The following LSG1 variants were observed in gnomAD, a reference collection of about 807,000 sequenced individuals.
The protein encoded by LSG1 is large subunit GTPase 1 homolog.
In LSG1, 55 loss-of-function variants were observed where a neutral mutation model predicts 82.6. The observed-to-expected ratio is 0.67, with a 90% CI of 0.54 to 0.83. LSG1 has a LOEUF of 0.83. Among genes scored for constraint, LSG1 ranks in the 40% least tolerant of loss-of-function variants. The probability of loss-of-function intolerance (pLI) is 0.00; values close to 1 mark genes in which losing one functional copy is unlikely to be tolerated. For synonymous variants in LSG1, 272 were observed against 282.5 expected (o/e 0.96, Z 0.37); for missense variants, 809 against 807.9 (o/e 1.00, Z -0.02).
chr3:194,649,671 CAG>C (rs1170344782), intron 10 of LSG1, among the ~76,000 whole-genome samples: 1 of 151,662 alleles, frequency 6.6e-6, no homozygotes, highest in African/African-American at 2.4e-5. Context: ...GCCTGGGTGA[CAG>C]AGCGAGACTC....
At chr3:194,657,803 T>A (rs183494859) in intron 7 of LSG1, among the ~76,000 whole-genome samples, 19 of 152,234 alleles carry the variant, frequency 1.2e-4, no homozygotes, top group Admixed American at 1.2e-3. Flanking sequence ...AAGGGTAGGG[T>A]GGCTGACTTC....
At chr3:194,656,291 C>T (rs1401224241) in intron 7 of LSG1, among the ~76,000 whole-genome samples, 1 of 120,490 alleles carries the variant, frequency 8.3e-6, no homozygotes, top group Non-Finnish European at 1.9e-5. Context: ...CAAAGAACTC[C>T]AACAAATTTA....
intron 11 of LSG1, among the ~76,000 whole-genome samples, chr3:194,647,336 T>C (rs1203251045): frequency 6.6e-6 from 1 of 152,124 alleles, no homozygotes; most frequent in Non-Finnish European, 1.5e-5. Context: ...GTAGCACATA[T>C]AACAAAGAAC....
At chr3:194,642,587 T>TTA (rs1718423082) in intron 13 of LSG1, among the ~76,000 whole-genome samples, 1 of 151,274 alleles carries the variant, frequency 6.6e-6, no homozygotes, top group Non-Finnish European at 1.5e-5. Flanking sequence ...AATTTTAAGT[T>TTA]TACTTAGTAA....
At chr3:194,661,803 G>A (rs1481233632) in intron 5 of LSG1, among the ~76,000 whole-genome samples, 2 of 152,136 alleles carry the variant, frequency 1.3e-5, no homozygotes, top group Non-Finnish European at 2.9e-5. Flanking sequence ...TAGAAAACAT[G>A]TTCTCTTATT....
At chr3:194,661,550 C>T (rs991833965) in intron 5 of LSG1, among the ~76,000 whole-genome samples, 9 of 152,184 alleles carry the variant, frequency 5.9e-5, no homozygotes, top group Non-Finnish European at 1.0e-4. Flanking sequence ...GACAGTGTTC[C>T]GCCCTCAGTG....
intron 1 of LSG1, among the ~76,000 whole-genome samples, chr3:194,671,670 T>A (rs898819): frequency 0.66 from 100,643 of 152,110 alleles, 33,954 homozygotes; most frequent in East Asian, 0.88. Flanking sequence ...TATTTTATAT[T>A]TCTGGCAGTA....
chr3:194,654,077 T>C lies in LSG1; in HGVS notation c.760-935A>G, dbSNP rs565663258. Among the ~76,000 whole-genome samples, 34 of 152,362 alleles carry C rather than the reference T, an allele frequency of 2.2e-4. No homozygotes were observed. In the South Asian group the frequency reaches 4.6e-3, roughly 20 times the overall value. On this transcript the variant is annotated intron_variant, in intron 7 of 13. Transcript: ENST00000265245. Reference sequence around the variant, plus strand: ...CAAGGGCAGACTTTGCCATTTGCAGTTCATTTTACATTTGTATTTTTAAAG... The same window carrying C: ...CAAGGGCAGACTTTGCCATTTGCAGCTCATTTTACATTTGTATTTTTAAAG...
Position 194,670,048 on chromosome 3 carries a change from G to A in LSG1, c.187C>T (p.Leu63Phe). The change falls in exon 2 of 14, where the codon CTT becomes TTT. Residue 63 changes from leucine to phenylalanine, a missense_variant. Transcript: ENST00000265245. ...VTEQSSLDDF[L>F]ATAELAGTEF... ...GTTCCTGCAAGTTCTGCAGTAGCAA[G>A]GAAGTCATCAAGGGAGCTCTGTTCA... 1 of 1,614,126 alleles carries A rather than the reference G, an allele frequency of 6.2e-7. No homozygotes were observed. The highest frequency in any genetic ancestry group is 1.7e-5 in the Admixed American group (1 of 60,022).
intron 13 of LSG1, among the ~76,000 whole-genome samples, chr3:194,642,756 C>A (rs75823222): frequency 0.042 from 6,352 of 152,234 alleles, 430 homozygotes; most frequent in African/African-American, 0.15. Flanking sequence ...TAAAATTTCA[C>A]ATGAAATGTT....
Position 194,641,761 on chromosome 3 carries a change from G to C in LSG1, c.*307C>G, listed in dbSNP as rs568652299. 104 of 195,104 alleles carry C rather than the reference G, an allele frequency of 5.3e-4. 1 individual carries two copies. The highest frequency in any genetic ancestry group is 1.1e-3 in the South Asian group (8 of 7,052). 12.1% of individuals were successfully genotyped at this position (195,104 alleles called of 1,614,324 possible). A position where few individuals can be genotyped will look rare whatever the true frequency, so the allele number is the denominator to read the frequency against. On this transcript the variant is annotated 3_prime_UTR_variant, in exon 14 of 14. Transcript: ENST00000265245. ...CCCGAGTAGCTGGGATTACAGGTGCGCGCCACCACGCCTGGCTAATTTTTT... is the reference window on the plus strand; with the variant it reads ...CCCGAGTAGCTGGGATTACAGGTGCCCGCCACCACGCCTGGCTAATTTTTT...
At chr3:194,670,486 T>C (rs1226645299) in intron 1 of LSG1, among the ~76,000 whole-genome samples, 1 of 152,166 alleles carries the variant, frequency 6.6e-6, no homozygotes, top group Non-Finnish European at 1.5e-5. Context: ...CTAGTCAAAA[T>C]TAGTCAAAAC....
In LSG1 at chr3:194,652,800, C is replaced by G; in HGVS notation, c.1102G>C (p.Glu368Gln). The change falls in exon 8 of 14, where the codon GAG becomes CAG. Residue 368 changes from glutamate to glutamine, a missense_variant. Physicochemically the swap from Glu to Gln is conservative, Grantham distance 29. Transcript: ENST00000265245. ...AGCTCCTTAAAGAGCTCCAGTAACT[C>G]CTGCTTGGATACCAGATGGCTAAAA... The part of the protein sequence containing the change: ...HNFSHLVSKQ[E>Q]LLELFKELHT... The G allele has an allele frequency of 3.1e-6, 5 of 1,614,176 alleles. No individual in the cohort carries two copies. Among genetic ancestry groups the G allele is most frequent in the Non-Finnish European group, 4.2e-6 (5 of 1,180,040 alleles).
In LSG1 at chr3:194,667,923, C is replaced by CAAAAAAAAAAAAAAAAAA. The variant is rs1170566137; in HGVS notation, c.227-1369_227-1352dup. On this transcript the variant is annotated intron_variant, in intron 2 of 13. Coordinates refer to ENST00000265245, the MANE Select transcript of LSG1 (RefSeq NM_018385.3). ...GGGCGACAAGAGAGAGACTCCGTCT[C>CAAAAAAAAAAAAAAAAAA]AAAAAAAAAAAAAAAAAAAATATAT... 4.7e-4 allele frequency among the ~76,000 whole-genome samples: 6 copies of CAAAAAAAAAAAAAAAAAA among 12,834 alleles called. 2 individuals are homozygous for CAAAAAAAAAAAAAAAAAA. Among genetic ancestry groups the CAAAAAAAAAAAAAAAAAA allele is most frequent in the African/African-American group, 7.9e-4 (2 of 2,532 alleles). 8.4% of individuals were successfully genotyped at this position (12,834 alleles called of 152,430 possible).
chr3:194,657,477 T>G (rs1379855147), intron 7 of LSG1, among the ~76,000 whole-genome samples: 1 of 146,344 alleles, frequency 6.8e-6, no homozygotes, highest in African/African-American at 2.5e-5. Context: ...TTTTTTTTTT[T>G]GATATTTGAG....
At chr3:194,645,505 C>CACACACACACACACACACACACAGACAG (rs1718503913) in intron 12 of LSG1, 1 of 53,498 alleles carries the variant, frequency 1.9e-5, no homozygotes, top group African/African-American at 5.8e-5. Flanking sequence ...TACACACACA[C>CACACACACACACACACACACACAGACAG]ACACACACAC....
At chr3:194,659,995 A>G in intron 6 of LSG1, 78 bp downstream of exon 6, 3 of 1,240,172 alleles carry the variant, frequency 2.4e-6, no homozygotes, top group Non-Finnish European at 3.6e-6. Flanking sequence ...ATGTATGCCT[A>G]CAGTCATTGC....
chr3:194,667,379 CCAAAA>C (rs1719051434), intron 2 of LSG1, among the ~76,000 whole-genome samples: 1 of 152,050 alleles, frequency 6.6e-6, no homozygotes, highest in African/African-American at 2.4e-5. Context: ...ACAGATACTG[CCAAAA>C]CAAATCTTTC....
intron 5 of LSG1, among the ~76,000 whole-genome samples, chr3:194,662,156 G>A (rs747304495): frequency 8.5e-5 from 13 of 152,204 alleles, no homozygotes; most frequent in Admixed American, 5.2e-4. Flanking sequence ...CGAGGCCCGC[G>A]CCCGTAATCC....
Sources: gnomAD v4.1 joint callset for allele counts (sites outside exome capture counted in the v4.1 genomes callset) on GRCh38, gnomAD v4.1.1 for gene constraint, MANE v1.5 for transcripts, NCBI Gene and HGNC (gene_info 2026-07-23, HGNC 2026-07-21) for gene names.